Variants in ANK1 observed in about 807,000 individuals in gnomAD.
ANK1 encodes ankyrin-1.
Under a neutral mutation model 210.4 loss-of-function variants are expected in ANK1, and 51 were observed. The observed-to-expected ratio is 0.24, with a 90% CI of 0.19 to 0.31. ANK1 has a LOEUF of 0.31. ANK1 is among the 10% of genes least tolerant of loss of function. The pLI is 1.00. For synonymous variants in ANK1, 967 were observed against 1,025.9 expected, an observed-to-expected ratio of 0.94 and a Z score of 1.10; for missense variants, 2,051 against 2,504.4, an observed-to-expected ratio of 0.82 and a Z score of 3.86.
At chr8:41,758,496 C>T (rs1295525021) in intron 1 of ANK1, among the ~76,000 whole-genome samples, 2 of 152,018 alleles carry the variant, frequency 1.3e-5, no homozygotes, top group African/African-American at 2.4e-5. Flanking sequence ...CCAAGCCCAA[C>T]TATTTTTTTA....
In ANK1 at chr8:41,776,430, A is replaced by G. The variant is rs558867667; in HGVS notation, c.28-18293T>C. On this transcript the variant is annotated intron_variant, in intron 1 of 42. Transcript: ENST00000289734. ...GAATCAATAATCCCAGTCCACTCCA[A>G]TCGAGTTCTCTAGAATTACAACAGT... Among the ~76,000 whole-genome samples the G allele has an allele frequency of 4.6e-5, 7 of 152,184 alleles. No homozygotes were observed. The East Asian group carries it at 1.2e-3, about 25-fold the overall frequency.
At chr8:41,778,061 G>A (rs745972621) in intron 1 of ANK1, among the ~76,000 whole-genome samples, 1 of 152,136 alleles carries the variant, frequency 6.6e-6, no homozygotes, top group African/African-American at 2.4e-5. Context: ...AAAATTCGGT[G>A]GGACTAGATA....
At chr8:41,804,669 G>A (rs1006324753) in intron 1 of ANK1, among the ~76,000 whole-genome samples, 7 of 152,158 alleles carry the variant, frequency 4.6e-5, no homozygotes, top group African/African-American at 1.7e-4. Context: ...CATGTTAAAT[G>A]TTTGCTCAGG....
At chr8:41,727,381 A>T in intron 4 of ANK1, 33 bp from the exon 5 acceptor site, 1 of 1,524,170 alleles carries the variant, frequency 6.6e-7, no homozygotes. Flanking sequence ...ATTAGCATCC[A>T]CCCGCAATTT....
chr8:41,787,443 A>G (rs1846649895), intron 1 of ANK1, among the ~76,000 whole-genome samples: 1 of 151,288 alleles, frequency 6.6e-6, no homozygotes, highest in Non-Finnish European at 1.5e-5. Flanking sequence ...ATGGTGACCC[A>G]CCCCCCAACC....
intron 1 of ANK1, among the ~76,000 whole-genome samples, chr8:41,785,035 TTGAGTCTCC>T (rs1406950381): frequency 6.6e-6 from 1 of 152,204 alleles, no homozygotes; most frequent in Non-Finnish European, 1.5e-5. Context: ...GCTTCTCCTC[TTGAGTCTCC>T]TGTTTCTGCC....
At chr8:41,841,896 A>G (rs1224771431) in intron 1 of ANK1, among the ~76,000 whole-genome samples, 2 of 152,220 alleles carry the variant, frequency 1.3e-5, no homozygotes, top group African/African-American at 4.8e-5. Context: ...GAAGCAGCTC[A>G]TGTCACCTGC....
intron 1 of ANK1, among the ~76,000 whole-genome samples, chr8:41,895,903 C>G (rs920080707): frequency 2.7e-5 from 4 of 150,686 alleles, no homozygotes; most frequent in South Asian, 2.2e-4. Flanking sequence ...GCAGAGCTGC[C>G]CCCCCCCGGC....
intron 4 of ANK1, 37 bp downstream of exon 4, chr8:41,727,871 A>C: frequency 1.2e-6 from 2 of 1,606,354 alleles, no homozygotes; most frequent in Non-Finnish European, 1.7e-6. Flanking sequence ...ACCTGTGGAA[A>C]GGCAACACCC....
chr8:41,761,789 A>G (rs1467103015), intron 1 of ANK1, among the ~76,000 whole-genome samples: 4 of 152,134 alleles, frequency 2.6e-5, no homozygotes, highest in Middle Eastern at 3.2e-3. Flanking sequence ...TGAAACAGGG[A>G]GTCCCTAGGG....
intron 1 of ANK1, among the ~76,000 whole-genome samples, chr8:41,888,676 T>C (rs146734783): frequency 4.3e-4 from 66 of 152,356 alleles, no homozygotes; most frequent in African/African-American, 1.5e-3. Context: ...GATGTTGACT[T>C]GATGATGTGG....
chr8:41,863,043 G>T (rs1285468004), intron 1 of ANK1, among the ~76,000 whole-genome samples: 2 of 151,424 alleles, frequency 1.3e-5, no homozygotes, highest in African/African-American at 2.4e-5. Context: ...TTGACATAAA[G>T]AATTTTTTTG....
In ANK1 at chr8:41,655,492, C is replaced by CTCTCTCCCCGCTTCTTGCTGCT. The variant is rs990360138; in HGVS notation, c.*276_*297dup. ...TCTCCTGCGCTTGTTTTCTATCCCT[C>CTCTCTCCCCGCTTCTTGCTGCT]TCTCTCCCCGCTTCTTGCTGCTTTT... On this transcript the variant is annotated 3_prime_UTR_variant, in exon 43 of 43. Coordinates refer to ENST00000289734, the MANE Select transcript of ANK1 (RefSeq NM_000037.4). The CTCTCTCCCCGCTTCTTGCTGCT allele has an allele frequency of 1.3e-5, 7 of 532,846 alleles. No homozygotes were observed. The highest frequency in any genetic ancestry group is 5.0e-4 in the Middle Eastern group (1 of 2,016). 33.0% of individuals were successfully genotyped at this position (532,846 alleles called of 1,614,324 possible). A position where few individuals can be genotyped will look rare whatever the true frequency, so the allele number is the denominator to read the frequency against.
Position 41,695,309 on chromosome 8 carries a change from G to A in ANK1, c.2983C>T (p.His995Tyr). The change falls in exon 27 of 43, where the codon CAC becomes TAC. Residue 995 changes from histidine to tyrosine, a missense_variant. His to Tyr is a moderately conservative substitution (Grantham distance 83). This residue lies in a region of ANK1 where 1,413 missense variants were observed against 1,707.4 expected (regional missense o/e 0.83). Transcript: ENST00000289734. ...TCTCCACGGCCATGGGAGGCAAAGT[G>A]CGGGATCTCCACGATTACAGGGCTG... The part of the protein sequence containing the change: ...FLSPVIVEIP[H>Y]FASHGRGDRE... 2 of 1,613,956 alleles carry A rather than the reference G, an allele frequency of 1.2e-6. No homozygotes were observed. The highest frequency in any genetic ancestry group is 2.2e-5 in the East Asian group (1 of 44,860).
chr8:41,694,611 C>G lies in ANK1; in HGVS notation c.3308G>C (p.Arg1103Thr). The change falls in exon 28 of 43, where the codon AGA becomes ACA. Residue 1103 changes from arginine to threonine, a missense_variant. Arg to Thr is a moderately conservative substitution (Grantham distance 71, BLOSUM62 -1). Around this residue, in one of 6 missense-constraint regions of ANK1, gnomAD observed 1,413 missense variants for 1,707.4 expected, o/e 0.83. Coordinates refer to ENST00000289734, the MANE Select transcript of ANK1 (RefSeq NM_000037.4). The surrounding 1 kb of genome is among the most constrained non-coding windows in gnomAD (Gnocchi z 5.7). Reference sequence around the variant, plus strand: ...TGTCACCTGCAGAGCCAGCTTCACTCTCTTGGTGACGGCATTCTCCGGGAA... The same window carrying G: ...TGTCACCTGCAGAGCCAGCTTCACTGTCTTGGTGACGGCATTCTCCGGGAA... Reference protein sequence around the residue: ...ATFPENAVTKRVKLALQAQPV... With the variant: ...ATFPENAVTKTVKLALQAQPV... The G allele has an allele frequency of 6.2e-7, 1 of 1,613,710 alleles. No homozygotes were observed. Among genetic ancestry groups the G allele is most frequent in the African/African-American group, 1.3e-5 (1 of 75,040 alleles).
At chr8:41,823,639 C>A (rs563741136) in intron 1 of ANK1, among the ~76,000 whole-genome samples, 2 of 151,784 alleles carry the variant, frequency 1.3e-5, no homozygotes, top group East Asian at 3.9e-4. Flanking sequence ...TGGCATGAGT[C>A]TGTAGTTCCA....
chr8:41,822,161 A>G (rs1320500702), intron 1 of ANK1, among the ~76,000 whole-genome samples: 1 of 145,970 alleles, frequency 6.9e-6, no homozygotes, highest in Non-Finnish European at 1.5e-5. Flanking sequence ...AAAGAAAGAA[A>G]GAAAGAAAGA....
Position 41,875,289 on chromosome 8 carries a change from A to C in ANK1, c.126+21066T>G, listed in dbSNP as rs555714827. ...AGCCAGCAGCACCAGGTCCCAGTTT[A>C]GAGGCTGGCAGCAGCAGGCATGTTG... is the stretch of plus-strand genomic sequence containing the variant. On this transcript the variant is annotated intron_variant, in intron 1 of 42. Coordinates refer to the ANK1 transcript ENST00000265709. 3.9e-5 allele frequency among the ~76,000 whole-genome samples: 6 copies of C among 152,306 alleles called. No homozygotes were observed. The South Asian group carries it at 1.2e-3, about 32-fold the overall frequency.
intron 42 of ANK1, among the ~76,000 whole-genome samples, chr8:41,657,696 A>T (rs940780630): frequency 3.3e-5 from 5 of 152,170 alleles, no homozygotes; most frequent in African/African-American, 1.2e-4. Flanking sequence ...GACCTCAGAG[A>T]TCATGCTGGC....
Sources: gnomAD v4.1 joint callset for allele counts (sites outside exome capture counted in the v4.1 genomes callset) on GRCh38, gnomAD v4.1.1 for gene constraint, gnomAD v4.1.1 regional missense constraint, Gnocchi (gnomAD v3.1) non-coding constraint, MANE v1.5 for transcripts, NCBI Gene and HGNC (gene_info 2026-07-23, HGNC 2026-07-21) for gene names.